The following PPP5C variants were observed in gnomAD, a reference collection of about 807,000 sequenced individuals.
PPP5C encodes serine/threonine-protein phosphatase 5.
PPP5C carries 21 observed loss-of-function variants against 66.7 expected under a neutral mutation model. The ratio of observed to expected loss-of-function variants is 0.31; its 90% confidence interval spans 0.22 to 0.45. PPP5C has a LOEUF of 0.45. Among genes scored for constraint, PPP5C ranks in the 20% least tolerant of loss-of-function variants. The probability of loss-of-function intolerance (pLI) is 1.00; values close to 1 mark genes in which losing one functional copy is unlikely to be tolerated. For missense variants in PPP5C, 464 were observed against 675.9 expected, an observed-to-expected ratio of 0.69 and a Z score of 3.48; for synonymous variants, 246 against 257.4, an observed-to-expected ratio of 0.96 and a Z score of 0.43.
At chr19:46,372,585 C>T (rs535268455) in intron 2 of PPP5C, among the ~76,000 whole-genome samples, 3 of 152,274 alleles carry the variant, frequency 2.0e-5, no homozygotes, top group East Asian at 1.9e-4. Flanking sequence ...AGGGCTTCTT[C>T]GGGGATTGTG....
chr19:46,383,016 C>T lies in PPP5C; in HGVS notation c.634-395C>T. On this transcript the variant is annotated intron_variant, in intron 4 of 12. Transcript: ENST00000012443. The surrounding 1 kb of genome is among the most constrained non-coding windows in gnomAD (Gnocchi z 5.0). ...TGTTGCCTATGACCTGCCTTTTTAC[C>T]TCTTTTTACCTAGAAAGTCTCACTT... 2.8e-6 allele frequency: 3 copies of T among 1,070,034 alleles called. No individual in the cohort carries two copies. The highest frequency in any genetic ancestry group is 3.8e-5 in the South Asian group (2 of 53,096). 66.3% of individuals were successfully genotyped at this position (1,070,034 alleles called of 1,614,324 possible).
chr19:46,371,641 C>A (rs1972594946), intron 2 of PPP5C, among the ~76,000 whole-genome samples: 1 of 152,176 alleles, frequency 6.6e-6, no homozygotes, highest in Non-Finnish European at 1.5e-5. Context: ...TCAGGCAGTG[C>A]ACCTTGGTGG....
chr19:46,388,291 A>C lies in PPP5C; in HGVS notation c.1136-117A>C. The C allele has an allele frequency of 8.6e-7, 1 of 1,156,406 alleles. No individual in the cohort carries two copies. The highest frequency in any genetic ancestry group is 3.0e-4 in the Middle Eastern group (1 of 3,326). The allele number at this position is 1,156,406 out of a possible 1,614,324, so 71.6% of individuals were successfully genotyped here. On this transcript the variant is annotated intron_variant, in intron 9 of 12. Coordinates refer to ENST00000012443, the MANE Select transcript of PPP5C (RefSeq NM_006247.4). The surrounding 1 kb of genome is among the most constrained non-coding windows in gnomAD (Gnocchi z 4.9). The stretch of plus-strand genomic sequence containing the variant: ...TGTCCATGCTGGATGTCCCCTGCCC[A>C]ACACCCACCCAGGCTGGGCTGTGGG...
At chr19:46,380,775 G>A (rs1341547915) in intron 4 of PPP5C, among the ~76,000 whole-genome samples, 5 of 152,118 alleles carry the variant, frequency 3.3e-5, no homozygotes, top group Non-Finnish European at 7.3e-5. Flanking sequence ...TGAGAACTCA[G>A]CAATCATTCA....
intron 2 of PPP5C, among the ~76,000 whole-genome samples, chr19:46,354,788 C>T (rs1490173599): frequency 1.3e-5 from 2 of 151,650 alleles, no homozygotes; most frequent in Admixed American, 1.3e-4. Context: ...CACAGTGAGA[C>T]CCTGTCTCAA....
chr19:46,347,980 AATACTT>A (rs1972115244), intron 1 of PPP5C, among the ~76,000 whole-genome samples: 1 of 152,172 alleles, frequency 6.6e-6, no homozygotes, highest in East Asian at 1.9e-4. Flanking sequence ...AAATAAGTAA[AATACTT>A]AAATTGTGAT....
intron 7 of PPP5C, 62 bp downstream of exon 7, chr19:46,384,971 G>A (rs1238413527): frequency 7.1e-6 from 9 of 1,265,400 alleles, no homozygotes; most frequent in Non-Finnish European, 1.0e-5. Flanking sequence ...CACTCACTCT[G>A]CAAGGATAAT....
At chr19:46,358,620 T>A (rs1308070180) in intron 2 of PPP5C, among the ~76,000 whole-genome samples, 1 of 152,186 alleles carries the variant, frequency 6.6e-6, no homozygotes, top group Non-Finnish European at 1.5e-5. Flanking sequence ...GAGATTTTAT[T>A]TGGGCCAAGG....
At chr19:46,352,749 G>A (rs1240617756) in intron 1 of PPP5C, among the ~76,000 whole-genome samples, 1 of 151,440 alleles carries the variant, frequency 6.6e-6, no homozygotes, top group Non-Finnish European at 1.5e-5. Flanking sequence ...GAACCTGGGA[G>A]GCGGAGCTTG....
chr19:46,354,052 C>T (rs1381612505), intron 2 of PPP5C, 63 bp downstream of exon 2: 12 of 1,572,860 alleles, frequency 7.6e-6, no homozygotes, highest in Non-Finnish European at 1.0e-5. Context: ...GCTGGGCTGG[C>T]GGGGACGGGT....
Position 46,383,456 on chromosome 19 carries a change from G to T in PPP5C, c.679G>T (p.Val227Leu). ...GGTCCTCTCCAAGCTGAGCACGCTC[G>T]TGGAAACCACACTCAAAGAGGTGCG... ...KEVLSKLSTL[V>L]ETTLKETEKI... The change falls in exon 5 of 13, where the codon GTG (valine) becomes TTG (leucine). Residue 227 changes from valine (V) to leucine (L), a missense_variant. By Grantham distance (32) the Val-to-Leu change is conservative. Coordinates refer to ENST00000012443, the MANE Select transcript of PPP5C (RefSeq NM_006247.4). The surrounding 1 kb of genome is among the most constrained non-coding windows in gnomAD (Gnocchi z 5.0). The T allele has an allele frequency of 6.2e-7, 1 of 1,609,458 alleles. No homozygotes were observed. Among genetic ancestry groups the T allele is most frequent in the Non-Finnish European group, 8.5e-7 (1 of 1,176,778 alleles).
chr19:46,382,229 T>A (rs10402004), intron 4 of PPP5C: 1 of 152,300 alleles, frequency 6.6e-6, no homozygotes, highest in Non-Finnish European at 1.5e-5. Flanking sequence ...CTTCCACTCA[T>A]TTCCCCTCAC....
At chr19:46,349,399 G>A (rs561192568) in intron 1 of PPP5C, among the ~76,000 whole-genome samples, 2 of 152,292 alleles carry the variant, frequency 1.3e-5, no homozygotes, top group Non-Finnish European at 2.9e-5. Context: ...ACAGGAGAGG[G>A]GGGACTTGCA....
intron 2 of PPP5C, among the ~76,000 whole-genome samples, chr19:46,365,932 C>T (rs1972482893): frequency 6.6e-6 from 1 of 152,148 alleles, no homozygotes; most frequent in Non-Finnish European, 1.5e-5. Flanking sequence ...GTGGAGAAGG[C>T]AGTTTTCTTT....
intron 7 of PPP5C, chr19:46,386,774 A>G (rs1972895852): frequency 2.7e-6 from 1 of 373,986 alleles, no homozygotes; most frequent in Non-Finnish European, 5.1e-6. Context: ...CACCATGCCC[A>G]GCTAATTTTT....
At chr19:46,378,862 C>G (rs1469724503) in intron 4 of PPP5C, among the ~76,000 whole-genome samples, 1 of 150,138 alleles carries the variant, frequency 6.7e-6, no homozygotes, top group Non-Finnish European at 1.5e-5. Context: ...TGGGTCTTGC[C>G]TTTTTATCCA....
intron 2 of PPP5C, among the ~76,000 whole-genome samples, chr19:46,365,063 A>C (rs538666994): frequency 2.1e-4 from 32 of 152,066 alleles, no homozygotes; most frequent in African/African-American, 7.7e-4. Context: ...GCTCCCTGCA[A>C]CCTCCGCCTC....
chr19:46,369,339 C>T (rs995460836), intron 2 of PPP5C, among the ~76,000 whole-genome samples: 5 of 152,112 alleles, frequency 3.3e-5, no homozygotes, highest in African/African-American at 4.8e-5. Flanking sequence ...TGCATCTGAA[C>T]GTAGAAAAGG....
intron 4 of PPP5C, among the ~76,000 whole-genome samples, chr19:46,380,418 A>C (rs570962777): frequency 1.3e-5 from 2 of 152,332 alleles, no homozygotes; most frequent in South Asian, 4.1e-4. Flanking sequence ...CTATAAATAC[A>C]TTGTTGTCAT....
Sources: allele counts gnomAD v4.1 joint callset (sites outside exome capture counted in the v4.1 genomes callset), GRCh38; gene constraint gnomAD v4.1.1; non-coding constraint Gnocchi (gnomAD v3.1); transcripts MANE v1.5; gene names NCBI Gene and HGNC (gene_info 2026-07-23, HGNC 2026-07-21).